ERBIN: variants seen among roughly 807,000 people sequenced by gnomAD.
The protein encoded by ERBIN is erbb2 interacting protein.
In ERBIN, 60 loss-of-function variants were observed where a neutral mutation model predicts 158.4. The ratio of observed to expected loss-of-function variants is 0.38; its 90% CI spans 0.31 to 0.47. The LOEUF (loss-of-function observed/expected upper bound fraction) is 0.47, where lower values mean the gene tolerates loss of function less well. ERBIN is among the 20% of genes least tolerant of loss of function. The pLI is 0.99. For missense variants in ERBIN, 1,610 were observed against 1,648.0 expected (o/e 0.98, Z 0.40); for synonymous variants, 594 against 557.2 (o/e 1.07, Z -0.93).
intron 21 of ERBIN, among the ~76,000 whole-genome samples, chr5:66,061,653 A>G (rs1760366291): frequency 6.6e-6 from 1 of 152,120 alleles, no homozygotes; most frequent in Admixed American, 6.5e-5. Flanking sequence ...GGTCTTTACA[A>G]TTTGGCATGT....
intron 22 of ERBIN, among the ~76,000 whole-genome samples, 157 bp downstream of exon 22, chr5:66,072,448 G>T (rs1761615997): frequency 6.6e-6 from 1 of 152,132 alleles, no homozygotes; most frequent in African/African-American, 2.4e-5. Flanking sequence ...ATACAAAATA[G>T]AATTTGACCC....
chr5:66,024,178 C>T (rs907303745), intron 9 of ERBIN, 128 bp from the exon 10 acceptor site: 1 of 615,966 alleles, frequency 1.6e-6, no homozygotes, highest in Admixed American at 3.5e-5. Context: ...TAAAAAACTA[C>T]CTGGGAGTCT....
chr5:65,983,074 A>G (rs983191093), intron 1 of ERBIN, among the ~76,000 whole-genome samples: 9 of 152,238 alleles, frequency 5.9e-5, no homozygotes, highest in Non-Finnish European at 1.2e-4. Flanking sequence ...TTGCAAATGT[A>G]AGGATTCCTT....
At chr5:65,967,525 C>T (rs1748790605) in intron 1 of ERBIN, among the ~76,000 whole-genome samples, 1 of 152,086 alleles carries the variant, frequency 6.6e-6, no homozygotes, top group Admixed American at 6.5e-5. Context: ...GGTACGTGTT[C>T]TTAGTCTAGT....
At chr5:65,962,064 CTA>C (rs755516173) in intron 1 of ERBIN, among the ~76,000 whole-genome samples, 81 of 152,234 alleles carry the variant, frequency 5.3e-4, no homozygotes, top group Middle Eastern at 6.8e-3. Context: ...GAGTGCTTGA[CTA>C]TGTCGCATTT....
intron 1 of ERBIN, among the ~76,000 whole-genome samples, chr5:65,957,126 CTG>C (rs1251022383): frequency 2.0e-5 from 3 of 152,072 alleles, no homozygotes; most frequent in South Asian, 4.1e-4. Context: ...TTTTGTGAAA[CTG>C]TGGTACATAT....
chr5:65,999,367 A>G (rs1000882796), intron 4 of ERBIN, among the ~76,000 whole-genome samples: 7 of 152,164 alleles, frequency 4.6e-5, no homozygotes, highest in Admixed American at 1.3e-4. Context: ...TCTCAAATGA[A>G]TAAATAAATA....
At chr5:65,935,820 C>T (rs2150854630) in intron 1 of ERBIN, among the ~76,000 whole-genome samples, 1 of 152,210 alleles carries the variant, frequency 6.6e-6, no homozygotes, top group Non-Finnish European at 1.5e-5. Context: ...GAACTCATGG[C>T]CTCAATCAAT....
chr5:66,038,569 C>G, intron 15 of ERBIN, 87 bp downstream of exon 15: 1 of 970,844 alleles, frequency 1.0e-6, no homozygotes, highest in Non-Finnish European at 1.5e-6. Context: ...GAGACTTTTA[C>G]CAGTTTGATG....
chr5:65,999,038 T>C (rs535286506), intron 4 of ERBIN, among the ~76,000 whole-genome samples: 1 of 152,326 alleles, frequency 6.6e-6, no homozygotes, highest in Non-Finnish European at 1.5e-5. Context: ...TTTAAATATG[T>C]TCAGGAAAAA....
intron 1 of ERBIN, among the ~76,000 whole-genome samples, chr5:65,976,740 A>G (rs1452682051): frequency 6.6e-6 from 1 of 151,750 alleles, no homozygotes; most frequent in African/African-American, 2.4e-5. Flanking sequence ...GCTGCCTTCA[A>G]GCATCTGTTT....
intron 21 of ERBIN, among the ~76,000 whole-genome samples, chr5:66,069,781 C>T (rs1761361598): frequency 6.6e-6 from 1 of 152,172 alleles, no homozygotes; most frequent in Non-Finnish European, 1.5e-5. Flanking sequence ...TTTATCCCCT[C>T]CCCATAGTTT....
chr5:66,052,528 G>A (rs1475207594), intron 20 of ERBIN, among the ~76,000 whole-genome samples: 1 of 152,036 alleles, frequency 6.6e-6, no homozygotes, highest in Non-Finnish European at 1.5e-5. Context: ...TGGGAAAGCG[G>A]TATGATATTT....
In ERBIN at chr5:66,054,750, T is replaced by A; in HGVS notation, c.3432T>A (p.Ser1144Arg). ...GTCCAAATGCATCAAGACCTCAGAG[T>A]GCTCGACCCTCTATTAATGAAATAC... is the stretch of plus-strand genomic sequence containing the variant. ...IDGPNASRPQSARPSINEIPE... is the reference protein window; with the variant it reads ...IDGPNASRPQRARPSINEIPE... Residue 1144 changes from serine to arginine, a missense_variant, in exon 21 of 26, where the codon AGT (serine) becomes AGA (arginine). Ser to Arg is a moderately radical substitution (Grantham distance 110). Coordinates refer to ENST00000284037, the MANE Select transcript of ERBIN (RefSeq NM_001253697.2). 1 of 1,613,948 alleles carries A rather than the reference T, an allele frequency of 6.2e-7. No individual in the cohort carries two copies. Among genetic ancestry groups the A allele is most frequent in the African/African-American group, 1.3e-5 (1 of 74,982 alleles).
chr5:66,073,387 A>T (rs1350648912), intron 22 of ERBIN, among the ~76,000 whole-genome samples: 2 of 150,948 alleles, frequency 1.3e-5, no homozygotes. Context: ...TACAGTGATC[A>T]AGTAATAAAC....
chr5:66,049,946 T>C (rs1328658253), intron 19 of ERBIN, among the ~76,000 whole-genome samples: 1 of 152,128 alleles, frequency 6.6e-6, no homozygotes, highest in Non-Finnish European at 1.5e-5. Flanking sequence ...ATGAAATGTT[T>C]TAAAAACATT....
chr5:65,929,033 A>G (rs969923915), intron 1 of ERBIN, among the ~76,000 whole-genome samples: 3 of 152,226 alleles, frequency 2.0e-5, no homozygotes, highest in African/African-American at 7.2e-5. Flanking sequence ...AATTTTCAGG[A>G]CTTCAACTGA....
chr5:66,075,310 C>A, intron 23 of ERBIN, 80 bp downstream of exon 23: 5 of 1,150,404 alleles, frequency 4.3e-6, no homozygotes, highest in Non-Finnish European at 1.3e-6. Flanking sequence ...ATTAGTAAAT[C>A]CATACAGAAT....
At chr5:66,068,185 A>G (rs1761195879) in intron 21 of ERBIN, among the ~76,000 whole-genome samples, 1 of 151,814 alleles carries the variant, frequency 6.6e-6, no homozygotes, top group African/African-American at 2.4e-5. Context: ...AATAATAATA[A>G]TAATAACAAC....
Sources: gnomAD v4.1 joint callset for allele counts (sites outside exome capture counted in the v4.1 genomes callset) on GRCh38, gnomAD v4.1.1 for gene constraint, MANE v1.5 for transcripts, NCBI Gene and HGNC (gene_info 2026-07-23, HGNC 2026-07-21) for gene names.